The following DLGAP2 variants were observed in gnomAD, a reference collection of about 807,000 sequenced individuals.
DLGAP2 encodes disks large-associated protein 2.
In DLGAP2, 26 loss-of-function variants were observed where a neutral mutation model predicts 100.3. That is an observed-to-expected ratio of 0.26 (90% confidence interval 0.19 to 0.36). DLGAP2 has a LOEUF of 0.36. Ranked by LOEUF, DLGAP2 falls within the 10% of genes least tolerant of loss-of-function variation. The pLI is 1.00. For synonymous variants in DLGAP2, 886 were observed against 630.1 expected (o/e 1.41, Z -6.08); for missense variants, 1,858 against 1,453.2 (o/e 1.28, Z -4.53).
rs751283778 is a variant in DLGAP2, at chr8:1,548,840, C to T, written c.387C>T (p.Pro129=). Residue 129 remains proline (P), a synonymous_variant, in exon 5 of 15, where the codon CCC becomes CCT. Transcript: ENST00000637795. ...PYLLSPADSC[P]GGRHRCSPRS... is the part of the protein sequence containing the mutation. The stretch of plus-strand genomic sequence containing the variant: ...TGCTGAGCCCCGCCGACAGCTGCCC[C>T]GGGGGGCGCCACCGCTGCTCGCCGC... The T allele has an allele frequency of 2.2e-5, 34 of 1,579,446 alleles. No homozygotes were observed. The highest frequency in any genetic ancestry group is 2.9e-5 in the Non-Finnish European group (34 of 1,166,726).
chr8:779,203 G>T (rs1302773044), intron 1 of DLGAP2, among the ~76,000 whole-genome samples: 1 of 152,176 alleles, frequency 6.6e-6, no homozygotes, highest in East Asian at 1.9e-4. Flanking sequence ...TTCGGCTCGC[G>T]CATGGTGCGC....
chr8:1,669,306 G>A (rs991252574), intron 9 of DLGAP2, among the ~76,000 whole-genome samples: 4 of 152,196 alleles, frequency 2.6e-5, no homozygotes, highest in Admixed American at 1.3e-4. Flanking sequence ...CGTGGCAGAC[G>A]GTTCCTTTCC....
At chr8:1,523,427 C>A (rs943496294) in intron 4 of DLGAP2, among the ~76,000 whole-genome samples, 1 of 152,226 alleles carries the variant, frequency 6.6e-6, no homozygotes, top group Non-Finnish European at 1.5e-5. Context: ...TTCACGCAGC[C>A]CCAGCCATGC....
At position 1,505,534 on chromosome 8, in the gene DLGAP2, G is replaced by A. The variant is rs567797658; in HGVS notation, c.172+4103G>A. ...GCCATTACCTCTTAAGAGCATTTGC[G>A]TTCTCTGAAGCTCATAGAGTGTAAT... On this transcript the variant is annotated intron_variant, in intron 4 of 14. Transcript: ENST00000637795. Among the ~76,000 whole-genome samples the A allele has an allele frequency of 4.4e-4, 67 of 152,284 alleles. No individual in the cohort carries two copies. The South Asian group carries it at 0.013, about 29-fold the overall frequency.
At chr8:1,313,478 G>T (rs1326445287) in intron 3 of DLGAP2, among the ~76,000 whole-genome samples, 1 of 152,082 alleles carries the variant, frequency 6.6e-6, no homozygotes, top group Non-Finnish European at 1.5e-5. Flanking sequence ...TAATTATGGA[G>T]AATGGTAAAG....
intron 4 of DLGAP2, among the ~76,000 whole-genome samples, chr8:1,530,440 G>C (rs1277949083): frequency 6.6e-6 from 1 of 151,888 alleles, no homozygotes; most frequent in East Asian, 1.9e-4. Context: ...CTTTTTTCAG[G>C]GTGCCCACAT....
At chr8:874,249 A>C (rs955525149) in intron 1 of DLGAP2, among the ~76,000 whole-genome samples, 1 of 150,460 alleles carries the variant, frequency 6.6e-6, no homozygotes, top group Non-Finnish European at 1.5e-5. Context: ...CCTGCTTTAC[A>C]TTTAGTTTGT....
intron 4 of DLGAP2, among the ~76,000 whole-genome samples, chr8:1,514,602 G>A (rs1376356945): frequency 6.6e-6 from 1 of 152,194 alleles, no homozygotes; most frequent in Admixed American, 6.5e-5. Context: ...TCCAGGCGCC[G>A]CTAGAGAACT....
chr8:1,339,336 G>A (rs1312850444), intron 3 of DLGAP2, among the ~76,000 whole-genome samples: 4 of 151,496 alleles, frequency 2.6e-5, no homozygotes, highest in African/African-American at 9.8e-5. Flanking sequence ...ACCTCAGTGA[G>A]GCATGAGGAC....
At chr8:1,691,445 C>T in intron 12 of DLGAP2, 90 bp from the exon 13 acceptor site, 1 of 1,107,114 alleles carries the variant, frequency 9.0e-7, no homozygotes, top group East Asian at 2.5e-5. Context: ...TCCAGTGGGA[C>T]TCGCTCCCTT....
rs990332298 is a variant in DLGAP2, at chr8:976,089, A to G, written c.73+68123A>G. On this transcript the variant is annotated intron_variant, in intron 2 of 14. Coordinates refer to ENST00000637795, the MANE Select transcript of DLGAP2 (RefSeq NM_001346810.2). ...AATTCGAAATGGAAGACACAAGATA[A>G]AATTAACACCAAAAATAAAGAAATA... Among the ~76,000 whole-genome samples the G allele has an allele frequency of 7.9e-5, 12 of 152,218 alleles. 1 individual carries two copies. Among genetic ancestry groups the G allele is most frequent in the Admixed American group, 6.5e-4 (10 of 15,290 alleles).
chr8:1,291,929 A>G (rs1393611733), intron 3 of DLGAP2, among the ~76,000 whole-genome samples: 1 of 152,168 alleles, frequency 6.6e-6, no homozygotes, highest in Non-Finnish European at 1.5e-5. Flanking sequence ...TTCACTCTCA[A>G]AAGACTCTTA....
chr8:869,697 G>C (rs1465904489), intron 1 of DLGAP2, among the ~76,000 whole-genome samples: 1 of 152,194 alleles, frequency 6.6e-6, no homozygotes, highest in Non-Finnish European at 1.5e-5. Flanking sequence ...ACCGTAGTTG[G>C]AACATTCGGG....
intron 2 of DLGAP2, among the ~76,000 whole-genome samples, chr8:1,076,990 C>A (rs2701933): frequency 2.8e-5 from 4 of 140,800 alleles, no homozygotes; most frequent in Admixed American, 7.0e-5. Context: ...CCCGGGCCCC[C>A]CCAAGACCAA....
In DLGAP2 at chr8:1,707,659, T is replaced by C. The variant is rs1799743041; in HGVS notation, c.*6253T>C. ...AGAGAGACAACTCATCCCCCGACCT[T>C]CCATACTACAGACCAAAATACCCAG... On this transcript the variant is annotated 3_prime_UTR_variant, in exon 15 of 15. Transcript: ENST00000637795. The C allele has an allele frequency of 6.6e-6, 1 of 152,074 alleles. No individual in the cohort carries two copies. Among genetic ancestry groups the C allele is most frequent in the South Asian group, 2.1e-4 (1 of 4,828 alleles). The allele number at this position is 152,074 out of a possible 1,614,324, so 9.4% of individuals were successfully genotyped here. A position where few individuals can be genotyped will look rare whatever the true frequency, so the allele number is the denominator to read the frequency against.
At chr8:1,379,617 C>T (rs976069216) in intron 3 of DLGAP2, 5 of 152,246 alleles carry the variant, frequency 3.3e-5, no homozygotes, top group African/African-American at 1.2e-4. Context: ...AAGTCTTTGT[C>T]ACATAGAGTT....
At chr8:826,634 G>T (rs1796689053) in intron 1 of DLGAP2, among the ~76,000 whole-genome samples, 1 of 152,086 alleles carries the variant, frequency 6.6e-6, no homozygotes, top group Admixed American at 6.5e-5. Flanking sequence ...CCTTCTGCCT[G>T]TGGCTGCAGC....
chr8:1,698,679 C>A (rs1799479116), intron 14 of DLGAP2, among the ~76,000 whole-genome samples: 1 of 151,636 alleles, frequency 6.6e-6, no homozygotes, highest in Non-Finnish European at 1.5e-5. Flanking sequence ...TCAGTGTAAG[C>A]CATGCATGGG....
At chr8:1,433,165 C>G (rs1168399785) in intron 3 of DLGAP2, among the ~76,000 whole-genome samples, 1 of 152,222 alleles carries the variant, frequency 6.6e-6, no homozygotes, top group African/African-American at 2.4e-5. Flanking sequence ...CAAAGCCCCT[C>G]CAGGAACGTG....
Sources: allele counts gnomAD v4.1 joint callset (sites outside exome capture counted in the v4.1 genomes callset), GRCh38; gene constraint gnomAD v4.1.1; transcripts MANE v1.5; gene names NCBI Gene and HGNC (gene_info 2026-07-23, HGNC 2026-07-21).